The following MSH3 variants were observed in gnomAD, a reference collection of about 807,000 sequenced individuals.
MSH3 encodes mutS homolog 3.
Under a neutral mutation model 123.3 loss-of-function variants are expected in MSH3, and 106 were observed. The observed-to-expected ratio is 0.86, with a 90% CI of 0.73 to 1.01. The LOEUF (loss-of-function observed/expected upper bound fraction) is 1.01, where lower values mean the gene tolerates loss of function less well. MSH3 is among the 50% of genes least tolerant of loss of function. The pLI is 0.00. For synonymous variants in MSH3, 515 were observed against 481.4 expected (o/e 1.07, Z -0.91); for missense variants, 1,459 against 1,347.6 (o/e 1.08, Z -1.29).
chr5:80,841,033 A>C (rs908258252), intron 20 of MSH3, among the ~76,000 whole-genome samples: 2 of 149,370 alleles, frequency 1.3e-5, no homozygotes, highest in Admixed American at 6.7e-5. Context: ...TTAGGTATAT[A>C]TCCTAATGCT....
chr5:80,685,993 T>C (rs1750078854), intron 8 of MSH3, among the ~76,000 whole-genome samples: 1 of 152,228 alleles, frequency 6.6e-6, no homozygotes, highest in Non-Finnish European at 1.5e-5. Context: ...CTAGTTTTAT[T>C]TCATTGTGGT....
intron 12 of MSH3, among the ~76,000 whole-genome samples, chr5:80,760,188 T>C (rs1351904161): frequency 1.3e-5 from 2 of 152,202 alleles, no homozygotes; most frequent in African/African-American, 2.4e-5. Flanking sequence ...CATCAGTTCA[T>C]TCTTTCATCC....
intron 10 of MSH3, among the ~76,000 whole-genome samples, chr5:80,733,069 AAAGT>A (rs1257465626): frequency 6.6e-6 from 1 of 152,176 alleles, no homozygotes; most frequent in Admixed American, 6.5e-5. Context: ...AACTTACTAC[AAAGT>A]GAGTAATCAA....
chr5:80,874,884 A>G (rs1223385545), intron 23 of MSH3, among the ~76,000 whole-genome samples: 2 of 152,266 alleles, frequency 1.3e-5, no homozygotes, highest in African/African-American at 4.8e-5. Flanking sequence ...TTATTAGAAG[A>G]CATTGCATTG....
At chr5:80,818,364 C>G (rs1180844227) in intron 20 of MSH3, among the ~76,000 whole-genome samples, 2 of 58,496 alleles carry the variant, frequency 3.4e-5, no homozygotes, top group African/African-American at 1.3e-4. Context: ...GGACAAATGA[C>G]TGGTGTTTTT....
intron 11 of MSH3, among the ~76,000 whole-genome samples, chr5:80,742,003 C>CTTTT (rs565490803): frequency 2.8e-5 from 4 of 144,858 alleles, no homozygotes; most frequent in Non-Finnish European, 3.0e-5. Context: ...TGCAAACTTT[C>CTTTT]TTTTTTTTTT....
intron 19 of MSH3, among the ~76,000 whole-genome samples, chr5:80,801,223 T>C (rs574402589): frequency 1.2e-3 from 176 of 152,326 alleles, no homozygotes; most frequent in Admixed American, 1.9e-3. Context: ...TGACAGTCAC[T>C]CTGGCTGCCC....
At chr5:80,658,022 A>C (rs1749329498) in intron 2 of MSH3, among the ~76,000 whole-genome samples, 1 of 128,154 alleles carries the variant, frequency 7.8e-6, no homozygotes, top group African/African-American at 3.1e-5. Flanking sequence ...TTTTCCTAAG[A>C]ATGCTTTTTG....
intron 8 of MSH3, among the ~76,000 whole-genome samples, chr5:80,722,622 A>G (rs1473487961): frequency 6.6e-6 from 1 of 152,324 alleles, no homozygotes; most frequent in South Asian, 2.1e-4. Context: ...TAAAGACCAG[A>G]GAGAGGTATG....
intron 22 of MSH3, among the ~76,000 whole-genome samples, chr5:80,872,453 A>G (rs1746234943): frequency 6.6e-6 from 1 of 152,156 alleles, no homozygotes; most frequent in Admixed American, 6.5e-5. Context: ...TGGATGACAG[A>G]GTCAGACCCT....
At chr5:80,788,333 A>T (rs1220003883) in intron 18 of MSH3, among the ~76,000 whole-genome samples, 1 of 152,198 alleles carries the variant, frequency 6.6e-6, no homozygotes. Flanking sequence ...GCTACTCAGA[A>T]AGCTGAGGTG....
intron 2 of MSH3, among the ~76,000 whole-genome samples, chr5:80,662,519 A>G (rs1749458539): frequency 6.6e-6 from 1 of 152,164 alleles, no homozygotes; most frequent in Non-Finnish European, 1.5e-5. Flanking sequence ...AAATATAGGG[A>G]CAAATCTCTA....
chr5:80,852,831 A>G (rs1266128398), intron 20 of MSH3, among the ~76,000 whole-genome samples: 6 of 152,316 alleles, frequency 3.9e-5, no homozygotes, highest in African/African-American at 1.4e-4. Flanking sequence ...TTAAGAAATG[A>G]AAGGTACATT....
chr5:80,787,067 T>C (rs1308313398), intron 17 of MSH3, among the ~76,000 whole-genome samples: 1 of 123,972 alleles, frequency 8.1e-6, no homozygotes, highest in Non-Finnish European at 1.7e-5. Context: ...ATAAACTAGA[T>C]GTTAGGTCTA....
At chr5:80,673,375 A>G (rs1009273366) in intron 6 of MSH3, among the ~76,000 whole-genome samples, 20 of 152,200 alleles carry the variant, frequency 1.3e-4, no homozygotes, top group African/African-American at 4.8e-4. Flanking sequence ...CAAAAATACA[A>G]AAAATTAGCT....
chr5:80,745,054 G>A (rs1743690405), intron 12 of MSH3, among the ~76,000 whole-genome samples: 1 of 152,202 alleles, frequency 6.6e-6, no homozygotes, highest in South Asian at 2.1e-4. Context: ...AGCAGTAATA[G>A]CAAGGAGTCC....
chr5:80,826,246 T>C (rs1436642122), intron 20 of MSH3, among the ~76,000 whole-genome samples: 3 of 152,250 alleles, frequency 2.0e-5, no homozygotes, highest in African/African-American at 7.2e-5. Flanking sequence ...AAGAATCTAC[T>C]GTATGGCTTG....
Position 80,656,397 on chromosome 5 carries a change from C to A in MSH3, c.238-14C>A. On this transcript the variant is annotated splice_polypyrimidine_tract_variant and intron_variant, in intron 1 of 23. Coordinates refer to ENST00000265081, the MANE Select transcript of MSH3 (RefSeq NM_002439.5). ...GTAGAGATAACACATCATTTTCTAA[C>A]CTTCCCGATATAGGCTACAGAAATT... is the stretch of plus-strand genomic sequence containing the variant. 6.2e-7 allele frequency: 1 copy of A among 1,613,922 alleles called. No homozygotes were observed. Among genetic ancestry groups the A allele is most frequent in the South Asian group, 1.1e-5 (1 of 91,074 alleles).
chr5:80,764,458 T>C (rs1744090960), intron 13 of MSH3, among the ~76,000 whole-genome samples: 1 of 152,026 alleles, frequency 6.6e-6, no homozygotes, highest in Admixed American at 6.6e-5. Context: ...TCACTACAGC[T>C]TCAGCCTCCA....
Sources: gnomAD v4.1 joint callset for allele counts (sites outside exome capture counted in the v4.1 genomes callset) on GRCh38, gnomAD v4.1.1 for gene constraint, MANE v1.5 for transcripts, NCBI Gene and HGNC (gene_info 2026-07-23, HGNC 2026-07-21) for gene names.